Variants in DSCAM observed in about 807,000 individuals in gnomAD.
The protein encoded by DSCAM is DS cell adhesion molecule.
Under a neutral mutation model 217.7 loss-of-function variants are expected in DSCAM, and 47 were observed. The ratio of observed to expected loss-of-function variants is 0.22; its 90% confidence interval spans 0.17 to 0.28. DSCAM has a LOEUF of 0.28. Ranked by LOEUF, DSCAM falls within the 10% of genes least tolerant of loss-of-function variation. The pLI, the probability that DSCAM is intolerant of heterozygous loss-of-function variation, is 1.00. For synonymous variants in DSCAM, 1,056 were observed against 1,015.3 expected (o/e 1.04, Z -0.76); for missense variants, 2,080 against 2,618.3 (o/e 0.79, Z 4.49).
intron 20 of DSCAM, among the ~76,000 whole-genome samples, chr21:40,122,269 G>A (rs1487151069): frequency 6.6e-6 from 1 of 152,146 alleles, no homozygotes; most frequent in Non-Finnish European, 1.5e-5. Context: ...CTCATTTCAA[G>A]TAAGCCAGGT....
At chr21:40,349,136 CAA>C (rs758386936) in intron 5 of DSCAM, among the ~76,000 whole-genome samples, 1,710 of 38,700 alleles carry the variant, frequency 0.044, 80 homozygotes, top group Middle Eastern at 0.14. Context: ...GACTCCATCT[CAA>C]AAAAAAAAAA....
chr21:40,075,028 T>C lies in DSCAM; in HGVS notation c.4888+9A>G. ...ACACGCGTAGGTGGACAGCTGGGCC[T>C]GGACCTACCTCGCAGCCTCTTTAGC... On this transcript the variant is annotated intron_variant, in intron 27 of 32. Transcript: ENST00000400454. The C allele has an allele frequency of 6.2e-7, 1 of 1,613,934 alleles. No individual in the cohort carries two copies.
At chr21:40,562,430 T>C (rs2076727840) in intron 3 of DSCAM, among the ~76,000 whole-genome samples, 1 of 152,176 alleles carries the variant, frequency 6.6e-6, no homozygotes. Context: ...CTCTTTTCTT[T>C]ATAAATTACC....
At chr21:40,605,869 C>T (rs1396003112) in intron 3 of DSCAM, among the ~76,000 whole-genome samples, 1 of 129,384 alleles carries the variant, frequency 7.7e-6, no homozygotes, top group Admixed American at 9.6e-5. Context: ...GGTGCAGTCT[C>T]AGCTCACTGC....
chr21:40,397,417 A>C (rs2075189489), intron 3 of DSCAM, among the ~76,000 whole-genome samples: 1 of 151,898 alleles, frequency 6.6e-6, no homozygotes, highest in East Asian at 1.9e-4. Flanking sequence ...TCCTGCTTTC[A>C]CCGTGTGACA....
chr21:40,179,184 C>CAAAA lies in DSCAM; in HGVS notation c.2780-94_2780-91dup, dbSNP rs11286508. 499 of 102,466 alleles carry CAAAA rather than the reference C, an allele frequency of 4.9e-3. 7 individuals carry two copies. The highest frequency in any genetic ancestry group is 8.7e-3 in the South Asian group (81 of 9,300). 6.3% of individuals were successfully genotyped at this position (102,466 alleles called of 1,614,324 possible). On this transcript the variant is annotated intron_variant, in intron 14 of 32. Coordinates refer to ENST00000400454, the MANE Select transcript of DSCAM (RefSeq NM_001389.5). ...AAGTTCACAAGTAGGAATTAAAAACCAAAAAAAAAAAAAAAAAAAAAAAAA... is the reference window on the plus strand; with the variant it reads ...AAGTTCACAAGTAGGAATTAAAAACCAAAAAAAAAAAAAAAAAAAAAAAAAAAAA...
chr21:40,257,418 G>C (rs2073387570), intron 11 of DSCAM, among the ~76,000 whole-genome samples: 1 of 150,058 alleles, frequency 6.7e-6, no homozygotes, highest in Admixed American at 6.6e-5. Flanking sequence ...GAGGATGGTT[G>C]AATCTATGAG....
chr21:40,131,396 T>C (rs916354491), intron 19 of DSCAM, among the ~76,000 whole-genome samples: 79 of 152,228 alleles, frequency 5.2e-4, no homozygotes, highest in African/African-American at 1.8e-3. Context: ...ATTATTCTAG[T>C]TCTTCTCTTC....
At chr21:40,317,799 C>T (rs2074215752) in intron 8 of DSCAM, among the ~76,000 whole-genome samples, 1 of 152,122 alleles carries the variant, frequency 6.6e-6, no homozygotes, top group African/African-American at 2.4e-5. Context: ...TCCCAAAGTG[C>T]TGGGATTATA....
intron 1 of DSCAM, among the ~76,000 whole-genome samples, chr21:40,759,207 G>C (rs2091306016): frequency 1.3e-5 from 2 of 152,042 alleles, no homozygotes; most frequent in African/African-American, 4.8e-5. Context: ...GAGGATTCCA[G>C]GTTGGATTCC....
intron 3 of DSCAM, among the ~76,000 whole-genome samples, chr21:40,664,961 G>A: frequency 6.6e-6 from 1 of 152,254 alleles, no homozygotes; most frequent in East Asian, 1.9e-4. Flanking sequence ...TTGTTTAAGA[G>A]TCTGGAACCT....
chr21:40,296,777 G>A (rs923431578), intron 9 of DSCAM, among the ~76,000 whole-genome samples: 3 of 141,564 alleles, frequency 2.1e-5, no homozygotes, highest in Non-Finnish European at 3.0e-5. Flanking sequence ...GTTGCAGTGA[G>A]CTGAGATAAT....
chr21:40,266,672 A>ATATAC (rs1422997672), intron 11 of DSCAM, among the ~76,000 whole-genome samples: 1 of 45,012 alleles, frequency 2.2e-5, no homozygotes, highest in Non-Finnish European at 4.2e-5. Flanking sequence ...TATATATATA[A>ATATAC]TCTTGAAATT....
At chr21:40,824,402 G>GGTTTTTTTTTTTT (rs2091951995) in intron 1 of DSCAM, among the ~76,000 whole-genome samples, 1 of 116,226 alleles carries the variant, frequency 8.6e-6, no homozygotes. Flanking sequence ...TTTTATTATT[G>GGTTTTTTTTTTTT]ATTTTTTTTT....
chr21:40,107,523 A>C (rs2089836430), intron 20 of DSCAM, among the ~76,000 whole-genome samples: 1 of 151,970 alleles, frequency 6.6e-6, no homozygotes, highest in Non-Finnish European at 1.5e-5. Flanking sequence ...AATCCATCTA[A>C]TTCAGGACCT....
chr21:40,166,300 G>GA (rs915067220), intron 16 of DSCAM, among the ~76,000 whole-genome samples: 1 of 152,018 alleles, frequency 6.6e-6, no homozygotes, highest in Non-Finnish European at 1.5e-5. Context: ...AAAGAGACAA[G>GA]AAAAAAAATC....
intron 28 of DSCAM, 150 bp from the exon 29 acceptor site, chr21:40,055,990 T>C: frequency 2.0e-6 from 1 of 506,852 alleles, no homozygotes; most frequent in Non-Finnish European, 3.6e-6. Flanking sequence ...ATGAAAACGT[T>C]TCCTTCATTC....
At position 40,414,467 on chromosome 21, in the gene DSCAM, C is replaced by T. The variant is rs953079318; in HGVS notation, c.509-45222G>A. 2.4e-4 allele frequency among the ~76,000 whole-genome samples: 37 copies of T among 152,272 alleles called. 1 individual carries two copies. Among genetic ancestry groups the T allele is most frequent in the Non-Finnish European group, 1.8e-4 (12 of 68,012 alleles). ...CCTCCTAGAATAGCTAAAATTAAAACGTACTGTGAAGAACTGAGACAACTA... is the reference window on the plus strand; with the variant it reads ...CCTCCTAGAATAGCTAAAATTAAAATGTACTGTGAAGAACTGAGACAACTA... On this transcript the variant is annotated intron_variant, in intron 3 of 32. Transcript: ENST00000400454.
intron 3 of DSCAM, among the ~76,000 whole-genome samples, chr21:40,650,088 T>C (rs1015111676): frequency 6.6e-6 from 1 of 152,124 alleles, no homozygotes; most frequent in African/African-American, 2.4e-5. Flanking sequence ...CACTTGCAAT[T>C]TTACCAGGTG....
Sources: gnomAD v4.1 joint callset for allele counts (sites outside exome capture counted in the v4.1 genomes callset) on GRCh38, gnomAD v4.1.1 for gene constraint, MANE v1.5 for transcripts, NCBI Gene and HGNC (gene_info 2026-07-23, HGNC 2026-07-21) for gene names.